The following GJD4 variants were observed in gnomAD, a reference collection of about 807,000 sequenced individuals.
GJD4 encodes the protein gap junction protein delta 4.
GJD4 carries 18 observed loss-of-function variants against 17.9 expected under a neutral mutation model. That is an observed-to-expected ratio of 1.00 (90% CI 0.69 to 1.49). The LOEUF is 1.49. Ranked by LOEUF, GJD4 falls within the 40% of genes most tolerant of loss-of-function variation. The pLI, the probability that GJD4 is intolerant of heterozygous loss-of-function variation, is 0.00. For synonymous variants in GJD4, 293 were observed against 236.8 expected, an observed-to-expected ratio of 1.24 and a Z score of -2.18; for missense variants, 639 against 506.9, an observed-to-expected ratio of 1.26 and a Z score of -2.50.
In GJD4 at chr10:35,608,460, G is replaced by C; in HGVS notation, c.947G>C (p.Arg316Pro). 1 of 1,548,354 alleles carries C rather than the reference G, an allele frequency of 6.5e-7. No individual in the cohort carries two copies. Among genetic ancestry groups the C allele is most frequent in the Non-Finnish European group, 8.7e-7 (1 of 1,146,892 alleles). The change falls in exon 2 of 2, where the codon CGA becomes CCA. Residue 316 changes from arginine to proline, a missense_variant. Physicochemically the swap from Arg to Pro is moderately radical, Grantham distance 103. Transcript: ENST00000321660. ...AGACAGCCCCGGGGCAGGCCCCACC[G>C]AGAGGCCGCCCAGGACCCCAGGGGC... ...LGRQPRGRPH[R>P]EAAQDPRGSG...
chr10:35,607,632 C>T lies in GJD4; in HGVS notation c.119C>T (p.Ala40Val), dbSNP rs781750287. 3 of 1,614,180 alleles carry T rather than the reference C, an allele frequency of 1.9e-6. No individual in the cohort carries two copies. The highest frequency in any genetic ancestry group is 1.1e-5 in the South Asian group (1 of 91,084). ...CTGCGGATGCTGGTGATTGTCTTGG[C>T]GGGGCGACCCGTCTACCAGGACGAG... ...MLLRMLVIVL[A>V]GRPVYQDEQE... Residue 40 changes from alanine (A) to valine (V), a missense_variant, in exon 2 of 2, where the codon GCG (alanine) becomes GTG (valine). Transcript: ENST00000321660.
chr10:35,608,613 C>T lies in GJD4; in HGVS notation c.1100C>T (p.Ser367Phe), dbSNP rs1835497737. ...SGAPHLRARK[S>F]EWV ...GCTCCCCACCTGAGAGCCAGGAAGTCTGAGTGGGTGTGAAAAAAACAGCAC... is the reference window on the plus strand; with the variant it reads ...GCTCCCCACCTGAGAGCCAGGAAGTTTGAGTGGGTGTGAAAAAAACAGCAC... The change falls in exon 2 of 2, where the codon TCT (serine) becomes TTT (phenylalanine). Residue 367 changes from serine to phenylalanine, a missense_variant. Physicochemically the swap from Ser to Phe is radical, Grantham distance 155. Transcript: ENST00000321660. The T allele has an allele frequency of 1.3e-6, 2 of 1,500,216 alleles. No individual in the cohort carries two copies. The highest frequency in any genetic ancestry group is 1.8e-6 in the Non-Finnish European group (2 of 1,127,776). 92.9% of individuals were successfully genotyped at this position (1,500,216 alleles called of 1,614,324 possible).
rs758418764 is a variant in GJD4 at position 35,607,600 on chromosome 10, G to A, written c.87G>A (p.Thr29=). 1.5e-5 allele frequency: 25 copies of A among 1,614,038 alleles called. No homozygotes were observed. The highest frequency in any genetic ancestry group is 1.9e-5 in the Non-Finnish European group (23 of 1,179,978). The change falls in exon 2 of 2, where the codon ACG becomes ACA. Residue 29 remains threonine (T), a synonymous_variant. Transcript: ENST00000321660. ...TMVGKLWFVL[T]MLLRMLVIVL... ...CAGGAAAGCTCTGGTTCGTCCTCAC[G>A]ATGCTGCTGCGGATGCTGGTGATTG...
intron 1 of GJD4, chr10:35,607,127 G>A (rs1835465473): frequency 6.5e-6 from 1 of 154,528 alleles, no homozygotes; most frequent in South Asian, 2.0e-4. Flanking sequence ...CTTTCTTTCT[G>A]GACCTATCAG....
chr10:35,608,093 A>T lies in GJD4; in HGVS notation c.580A>T (p.Lys194Ter), dbSNP rs751552783. 1 of 1,608,850 alleles carries T rather than the reference A, an allele frequency of 6.2e-7. No homozygotes were observed. The highest frequency in any genetic ancestry group is 1.7e-5 in the Admixed American group (1 of 59,692). The change falls in exon 2 of 2, where the codon AAG (lysine) becomes TAG (stop). Residue 194 changes from lysine (K) to a stop codon, truncating the protein, a stop_gained. Transcript: ENST00000321660. LOFTEE classifies it high-confidence loss of function. ...CTGCTACGTGTCGCGGCCCACAGAG[A>T]AGTCCCTGCTGATGCTGTTCCTCTG... ...VDCYVSRPTE[K>*]SLLMLFLWAV...
rs774433895 is a variant in GJD4, at chr10:35,608,352, G to T, written c.839G>T (p.Arg280Leu). The change falls in exon 2 of 2, where the codon CGT becomes CTT. Residue 280 changes from arginine (R) to leucine (L), a missense_variant. Physicochemically the swap from Arg to Leu is moderately radical, Grantham distance 102. Coordinates refer to ENST00000321660, the MANE Select transcript of GJD4 (RefSeq NM_153368.3). Reference sequence around the variant, plus strand: ...GGGGAGGGGGCTGGCAGCCCCAGGCGTACATCCAGGGTGTCAGGGCACACG... The same window carrying T: ...GGGGAGGGGGCTGGCAGCCCCAGGCTTACATCCAGGGTGTCAGGGCACACG... ...AGGEGAGSPRRTSRVSGHTKI... is the reference protein window; with the variant it reads ...AGGEGAGSPRLTSRVSGHTKI... 3.2e-6 allele frequency: 5 copies of T among 1,551,166 alleles called. No individual in the cohort carries two copies. Among genetic ancestry groups the T allele is most frequent in the African/African-American group, 1.4e-5 (1 of 73,218 alleles).
chr10:35,605,993 A>T (rs1244522851), intron 1 of GJD4: 1 of 254,880 alleles, frequency 3.9e-6, no homozygotes, highest in Non-Finnish European at 7.3e-6. Context: ...GGAACAGAAC[A>T]ACAAATGTTA....
In GJD4 at chr10:35,607,792, C is replaced by A. The variant is rs141696199; in HGVS notation, c.279C>A (p.Ser93Arg). The A allele has an allele frequency of 1.2e-6, 2 of 1,605,416 alleles. No homozygotes were observed. Among genetic ancestry groups the A allele is most frequent in the Admixed American group, 3.3e-5 (2 of 60,034 alleles). Residue 93 changes from serine (S) to arginine (R), a missense_variant, in exon 2 of 2, where the codon AGC (serine) becomes AGA (arginine). Ser to Arg is a moderately radical substitution (Grantham distance 110). Coordinates refer to ENST00000321660, the MANE Select transcript of GJD4 (RefSeq NM_153368.3). ...VCVLLPSAVF[S>R]VYVLHRGATL... is the part of the protein sequence containing the mutation. ...TCCTCCTCCCCTCCGCCGTCTTCAG[C>A]GTCTATGTCCTGCACCGAGGAGCCA...
chr10:35,607,984 C>T lies in GJD4; in HGVS notation c.471C>T (p.Phe157=), dbSNP rs142132151. The change falls in exon 2 of 2, where the codon TTC becomes TTT. Residue 157 remains phenylalanine (F), a synonymous_variant. Transcript: ENST00000321660. ...LLLRTLLEAA[F]GALHYFLFGF... Reference sequence around the variant, plus strand: ...TCCGGACCCTGCTGGAGGCAGCCTTCGGGGCCTTGCACTACTTTCTCTTTG... The same window carrying T: ...TCCGGACCCTGCTGGAGGCAGCCTTTGGGGCCTTGCACTACTTTCTCTTTG... The T allele has an allele frequency of 3.1e-6, 5 of 1,611,658 alleles. No individual in the cohort carries two copies. The highest frequency in any genetic ancestry group is 1.1e-5 in the South Asian group (1 of 91,032).
In GJD4 at chr10:35,605,556, C is replaced by T; in HGVS notation, c.-12C>T. 3 of 1,612,346 alleles carry T rather than the reference C, an allele frequency of 1.9e-6. No homozygotes were observed. Among genetic ancestry groups the T allele is most frequent in the African/African-American group, 1.3e-5 (1 of 75,016 alleles). On this transcript the variant is annotated 5_prime_UTR_variant, in exon 1 of 2. Transcript: ENST00000321660. The stretch of plus-strand genomic sequence containing the variant: ...GTCTCCTGCAGCCTGGAGCCTGGGA[C>T]ATTCTGGAAGCATGGAAGGCGTGGA...
Position 35,605,403 on chromosome 10 carries a change from T to G in GJD4, c.-165T>G. 1.5e-6 allele frequency: 1 copy of G among 667,098 alleles called. No individual in the cohort carries two copies. Among genetic ancestry groups the G allele is most frequent in the South Asian group, 1.6e-5 (1 of 60,636 alleles). The allele number at this position is 667,098 out of a possible 1,614,324, so 41.3% of individuals were successfully genotyped here. A position where few individuals can be genotyped will look rare whatever the true frequency, so the allele number is the denominator to read the frequency against. Reference sequence around the variant, plus strand: ...CAAACGGCTTAGGGCCGTCTCAACTTGGAGACAGAAAAACCCACCTCCTAC... The same window carrying G: ...CAAACGGCTTAGGGCCGTCTCAACTGGGAGACAGAAAAACCCACCTCCTAC... On this transcript the variant is annotated 5_prime_UTR_variant, in exon 1 of 2. Transcript: ENST00000321660.
In GJD4 at chr10:35,608,122, G is replaced by C; in HGVS notation, c.609G>C (p.Ala203=). The change falls in exon 2 of 2, where the codon GCG becomes GCC. Residue 203 remains alanine (A), a synonymous_variant. Transcript: ENST00000321660. ...CCCTGCTGATGCTGTTCCTCTGGGC[G>C]GTCAGCGCGCTGTCTTTTCTGCTGG... ...EKSLLMLFLW[A]VSALSFLLGL... is the part of the protein sequence containing the mutation. The C allele has an allele frequency of 6.2e-7, 1 of 1,609,676 alleles. No individual in the cohort carries two copies. Among genetic ancestry groups the C allele is most frequent in the Non-Finnish European group, 8.5e-7 (1 of 1,178,840 alleles).
At position 35,608,550 on chromosome 10, in the gene GJD4, G is replaced by A; in HGVS notation, c.1037G>A (p.Ser346Asn). The A allele has an allele frequency of 6.4e-7, 1 of 1,561,612 alleles. No homozygotes were observed. The highest frequency in any genetic ancestry group is 8.7e-7 in the Non-Finnish European group (1 of 1,154,656). The change falls in exon 2 of 2, where the codon AGC becomes AAC. Residue 346 changes from serine to asparagine, a missense_variant. Coordinates refer to ENST00000321660, the MANE Select transcript of GJD4 (RefSeq NM_153368.3). ...SRLAAPPSCS[S>N]LQPPDPPASS... ...CTGGCCGCGCCCCCTTCCTGCAGCA[G>A]CCTGCAGCCCCCTGACCCGCCTGCC...
Position 35,607,591 on chromosome 10 carries a change from C to T in GJD4, c.78C>T (p.Phe26=). 1.9e-6 allele frequency: 3 copies of T among 1,613,852 alleles called. No individual in the cohort carries two copies. Among genetic ancestry groups the T allele is most frequent in the Non-Finnish European group, 2.5e-6 (3 of 1,179,732 alleles). The change falls in exon 2 of 2, where the codon TTC becomes TTT. Residue 26 remains phenylalanine, a synonymous_variant. Coordinates refer to ENST00000321660, the MANE Select transcript of GJD4 (RefSeq NM_153368.3). The part of the protein sequence containing the change: ...CNVTMVGKLW[F]VLTMLLRMLV... ...CCTCTCTTCCAGGAAAGCTCTGGTT[C>T]GTCCTCACGATGCTGCTGCGGATGC...
chr10:35,608,251 G>A lies in GJD4; in HGVS notation c.738G>A (p.Ala246=). The A allele has an allele frequency of 6.3e-7, 1 of 1,577,974 alleles. No individual in the cohort carries two copies. The highest frequency in any genetic ancestry group is 8.6e-7 in the Non-Finnish European group (1 of 1,167,582). ...IRKQSGASGH[A]EGRRTDEEGG... ...AGCAGAGCGGAGCCTCAGGCCACGC[G>A]GAGGGACGCCGGACTGACGAGGAGG... Residue 246 remains alanine, a synonymous_variant, in exon 2 of 2, where the codon GCG becomes GCA. Transcript: ENST00000321660.
rs982913055 is a variant in GJD4 at position 35,608,663 on chromosome 10, C to A, written c.*37C>A. 1.8e-5 allele frequency: 26 copies of A among 1,419,598 alleles called. No homozygotes were observed. Among genetic ancestry groups the A allele is most frequent in the Non-Finnish European group, 2.4e-5 (26 of 1,073,994 alleles). The allele number at this position is 1,419,598 out of a possible 1,614,324, so 87.9% of individuals were successfully genotyped here. Reference sequence around the variant, plus strand: ...CCTGGCGGTGCCCCGGGGCTCACGCCTGTAATCCCAACACTTTGGGAGGCC... The same window carrying A: ...CCTGGCGGTGCCCCGGGGCTCACGCATGTAATCCCAACACTTTGGGAGGCC... On this transcript the variant is annotated 3_prime_UTR_variant, in exon 2 of 2. Transcript: ENST00000321660.
chr10:35,608,782 C>T lies in GJD4; in HGVS notation c.*156C>T, dbSNP rs1319335482. The T allele has an allele frequency of 1.8e-6, 1 of 560,438 alleles. No individual in the cohort carries two copies. The highest frequency in any genetic ancestry group is 3.0e-6 in the Non-Finnish European group (1 of 329,040). The allele number at this position is 560,438 out of a possible 1,614,324, so 34.7% of individuals were successfully genotyped here. On this transcript the variant is annotated 3_prime_UTR_variant, in exon 2 of 2. Transcript: ENST00000321660. ...TGAGACCCTCGTCTCTACAAAATATCTAAAAATTAGCTGGGCACAGTGGCT... is the reference window on the plus strand; with the variant it reads ...TGAGACCCTCGTCTCTACAAAATATTTAAAAATTAGCTGGGCACAGTGGCT...
chr10:35,608,851 C>T lies in GJD4; in HGVS notation c.*225C>T, dbSNP rs1271144187. ...TACTTGGGAGGCTGAGATGGGAGGA[C>T]CATTTGAGCCTGGGAGATCGAGGCT... On this transcript the variant is annotated 3_prime_UTR_variant, in exon 2 of 2. Transcript: ENST00000321660. The T allele has an allele frequency of 6.9e-6, 3 of 431,668 alleles. No homozygotes were observed. Among genetic ancestry groups the T allele is most frequent in the Non-Finnish European group, 8.1e-6 (2 of 247,592 alleles). 26.7% of individuals were successfully genotyped at this position (431,668 alleles called of 1,614,324 possible). A position where few individuals can be genotyped will look rare whatever the true frequency, so the allele number is the denominator to read the frequency against.
rs750338418 is a variant in GJD4, at chr10:35,608,026, G to T, written c.513G>T (p.Lys171Asn). The T allele has an allele frequency of 1.2e-6, 2 of 1,611,516 alleles. No homozygotes were observed. The highest frequency in any genetic ancestry group is 1.7e-6 in the Non-Finnish European group (2 of 1,179,336). The change falls in exon 2 of 2, where the codon AAG (lysine) becomes AAT (asparagine). Residue 171 changes from lysine (K) to asparagine (N), a missense_variant. Lys to Asn is a moderately conservative substitution (Grantham distance 94). Transcript: ENST00000321660. ...TTCTCTTTGGATTCCTGGCCCCGAAGAAGTTCCCTTGCACGCGCCCTCCGT... is the reference window on the plus strand; with the variant it reads ...TTCTCTTTGGATTCCTGGCCCCGAATAAGTTCCCTTGCACGCGCCCTCCGT... Reference protein sequence around the residue: ...HYFLFGFLAPKKFPCTRPPCT... With the variant: ...HYFLFGFLAPNKFPCTRPPCT...
Sources: allele counts gnomAD v4.1 joint callset, GRCh38; gene constraint gnomAD v4.1.1; transcripts MANE v1.5; gene names NCBI Gene and HGNC (gene_info 2026-07-23, HGNC 2026-07-21).